KIAA1328: variants seen among roughly 807,000 people sequenced by gnomAD.
KIAA1328 encodes KIAA1328.
A neutral mutation model predicts 68.1 loss-of-function variants in KIAA1328; 52 were observed. That is an observed-to-expected ratio of 0.76 (90% CI 0.61 to 0.96). KIAA1328 has a LOEUF of 0.96. KIAA1328 is among the 40% of genes least tolerant of loss of function. KIAA1328 has a pLI of 0.00. For missense variants in KIAA1328, 641 were observed against 677.6 expected (o/e 0.95, Z 0.60); for synonymous variants, 232 against 239.4 (o/e 0.97, Z 0.28).
At chr18:37,074,875 A>T (rs1010877881) in intron 7 of KIAA1328, 10 of 152,238 alleles carry the variant, frequency 6.6e-5, no homozygotes, top group African/African-American at 2.4e-4. Context: ...TCTGCTTTTT[A>T]GAGTTTCCAA....
chr18:36,842,780 C>T (rs991446144), intron 3 of KIAA1328, among the ~76,000 whole-genome samples: 3 of 151,936 alleles, frequency 2.0e-5, no homozygotes, highest in Admixed American at 6.6e-5. Flanking sequence ...CCTCCATTGC[C>T]AAATCCATTG....
At chr18:37,100,353 A>G (rs1006889201) in intron 7 of KIAA1328, among the ~76,000 whole-genome samples, 22 of 152,274 alleles carry the variant, frequency 1.4e-4, no homozygotes, top group African/African-American at 4.1e-4. Context: ...GTCTTAGCAA[A>G]CGGCACACCA....
rs780813359 is a variant in KIAA1328 at position 37,033,880 on chromosome 18, G to A, written c.577-33010G>A. ...GTCTATTTTAGGGCTTAGCTCATTT[G>A]TTTGCCTTCTTTCAGGGATCATATA... On this transcript the variant is annotated intron_variant, in intron 6 of 9. Transcript: ENST00000280020. 3.3e-5 allele frequency among the ~76,000 whole-genome samples: 5 copies of A among 152,144 alleles called. No homozygotes were observed. In the East Asian group the frequency reaches 9.7e-4, roughly 29 times the overall value.
chr18:36,946,532 C>T (rs2050908363), intron 5 of KIAA1328: 1 of 152,166 alleles, frequency 6.6e-6, no homozygotes, highest in South Asian at 2.1e-4. Flanking sequence ...TTCTTTTGTA[C>T]ATTACATTTT....
At chr18:37,094,096 G>A (rs917822676) in intron 7 of KIAA1328, among the ~76,000 whole-genome samples, 3 of 152,200 alleles carry the variant, frequency 2.0e-5, no homozygotes, top group Admixed American at 1.3e-4. Context: ...CATTAGACAG[G>A]TTCTCATAAG....
chr18:37,155,854 A>C (rs964814201), intron 7 of KIAA1328, among the ~76,000 whole-genome samples: 4 of 152,172 alleles, frequency 2.6e-5, no homozygotes, highest in Non-Finnish European at 5.9e-5. Context: ...TTCCCAAAAT[A>C]TGAACTGAAG....
intron 4 of KIAA1328, among the ~76,000 whole-genome samples, chr18:36,852,108 G>A (rs2047231537): frequency 6.6e-6 from 1 of 151,948 alleles, no homozygotes; most frequent in Non-Finnish European, 1.5e-5. Flanking sequence ...TTTTGTTCTT[G>A]ATTTAGAATT....
intron 6 of KIAA1328, among the ~76,000 whole-genome samples, chr18:36,985,167 A>G (rs1476977856): frequency 2.0e-5 from 3 of 151,780 alleles, no homozygotes; most frequent in Non-Finnish European, 2.9e-5. Flanking sequence ...TTACTGAGAC[A>G]TGGTGGCCTT....
At chr18:37,132,238 G>T (rs1202582072) in intron 7 of KIAA1328, among the ~76,000 whole-genome samples, 1 of 152,116 alleles carries the variant, frequency 6.6e-6, no homozygotes, top group Non-Finnish European at 1.5e-5. Context: ...AAAAGGTCTT[G>T]TAGCATGCTT....
chr18:37,038,462 T>C (rs1235102393), intron 6 of KIAA1328, among the ~76,000 whole-genome samples: 1 of 152,144 alleles, frequency 6.6e-6, no homozygotes, highest in East Asian at 1.9e-4. Flanking sequence ...TATTTTCAGA[T>C]TGTTTATAAT....
intron 4 of KIAA1328, among the ~76,000 whole-genome samples, chr18:36,856,911 G>C (rs2047402213): frequency 6.6e-6 from 1 of 152,146 alleles, no homozygotes; most frequent in Non-Finnish European, 1.5e-5. Flanking sequence ...TCCTTGTCAT[G>C]TAGTCTCTGA....
intron 6 of KIAA1328, among the ~76,000 whole-genome samples, chr18:37,041,629 C>T (rs2055250040): frequency 8.3e-6 from 1 of 120,980 alleles, no homozygotes; most frequent in African/African-American, 3.0e-5. Flanking sequence ...TCCTTACTGC[C>T]TTTTTTGTGT....
chr18:36,954,122 T>C (rs987480446), intron 5 of KIAA1328, among the ~76,000 whole-genome samples: 32 of 151,090 alleles, frequency 2.1e-4, no homozygotes, highest in African/African-American at 7.8e-4. Flanking sequence ...CCTGCCTCAG[T>C]CTCCCGAGTA....
intron 7 of KIAA1328, among the ~76,000 whole-genome samples, chr18:37,156,212 GC>G (rs1189762189): frequency 2.0e-5 from 3 of 151,930 alleles, no homozygotes; most frequent in Admixed American, 6.6e-5. Flanking sequence ...TTCGAGACCA[GC>G]CTCACCAACA....
intron 6 of KIAA1328, among the ~76,000 whole-genome samples, chr18:36,975,548 A>G (rs2052438047): frequency 6.6e-6 from 1 of 152,182 alleles, no homozygotes; most frequent in Non-Finnish European, 1.5e-5. Flanking sequence ...TATATTGAGC[A>G]TTGCTGACAA....
chr18:36,878,409 TGG>T (rs1257434205), intron 4 of KIAA1328, among the ~76,000 whole-genome samples: 3 of 152,214 alleles, frequency 2.0e-5, no homozygotes, highest in African/African-American at 7.2e-5. Flanking sequence ...CTTCTCTTTG[TGG>T]GTAACCCGAC....
intron 7 of KIAA1328, among the ~76,000 whole-genome samples, chr18:37,081,465 A>T (rs1208291434): frequency 2.0e-5 from 3 of 152,174 alleles, no homozygotes; most frequent in East Asian, 1.9e-4. Context: ...TTTTAGGTTT[A>T]TGTAATTTTA....
At chr18:36,910,430 G>A (rs1454707496) in intron 5 of KIAA1328, among the ~76,000 whole-genome samples, 1 of 152,144 alleles carries the variant, frequency 6.6e-6, no homozygotes, top group Middle Eastern at 3.4e-3. Context: ...TCAGATAGTT[G>A]TAGATGTGTG....
intron 6 of KIAA1328, among the ~76,000 whole-genome samples, chr18:37,029,292 A>G (rs2054724199): frequency 6.6e-6 from 1 of 151,518 alleles, no homozygotes; most frequent in African/African-American, 2.4e-5. Context: ...TGGGTTTTCC[A>G]GTTTGTGTGC....
Sources: allele counts gnomAD v4.1 joint callset (sites outside exome capture counted in the v4.1 genomes callset), GRCh38; gene constraint gnomAD v4.1.1; transcripts MANE v1.5; gene names NCBI Gene and HGNC (gene_info 2026-07-23, HGNC 2026-07-21).